Variants in STIM1 observed in about 807,000 individuals in gnomAD.
STIM1 encodes the protein stromal interaction molecule 1.
A neutral mutation model predicts 74.7 loss-of-function variants in STIM1; 25 were observed. That is an observed-to-expected ratio of 0.33 (90% CI 0.24 to 0.47). STIM1 has a LOEUF of 0.47. STIM1 is among the 20% of genes least tolerant of loss of function. The probability of loss-of-function intolerance (pLI) is 1.00; values close to 1 mark genes in which losing one functional copy is unlikely to be tolerated. For missense variants in STIM1, 728 were observed against 920.8 expected (o/e 0.79, Z 2.71); for synonymous variants, 328 against 348.8 (o/e 0.94, Z 0.66).
intron 10 of STIM1, 65 bp from the exon 11 acceptor site, chr11:4,084,608 A>G: frequency 8.1e-7 from 1 of 1,238,570 alleles, no homozygotes; most frequent in Non-Finnish European, 1.1e-6. Context: ...TATTACATTG[A>G]TGGCAGGCCG....
At chr11:4,039,926 C>A (rs2094135456) in intron 3 of STIM1, among the ~76,000 whole-genome samples, 1 of 151,836 alleles carries the variant, frequency 6.6e-6, no homozygotes. Flanking sequence ...CACGATGACG[C>A]CCAGCTAATT....
intron 2 of STIM1, among the ~76,000 whole-genome samples, chr11:4,014,951 C>T (rs981056083): frequency 6.6e-5 from 10 of 152,158 alleles, no homozygotes; most frequent in East Asian, 3.8e-4. Flanking sequence ...TGTCTTTACA[C>T]GTGAGATGGG....
chr11:4,083,323 C>A lies in STIM1; in HGVS notation c.1299C>A (p.Ile433=). 6 of 1,614,230 alleles carry A rather than the reference C, an allele frequency of 3.7e-6. No homozygotes were observed. Among genetic ancestry groups the A allele is most frequent in the Non-Finnish European group, 5.1e-6 (6 of 1,180,038 alleles). The part of the protein sequence containing the change: ...LRERLHRWQQ[I]EILCGFQIVN... Reference sequence around the variant, plus strand: ...AGCGCCTGCACCGCTGGCAACAGATCGAGATCCTCTGTGGCTTCCAGATTG... The same window carrying A: ...AGCGCCTGCACCGCTGGCAACAGATAGAGATCCTCTGTGGCTTCCAGATTG... Residue 433 remains isoleucine, a synonymous_variant, in exon 10 of 13, where the codon ATC becomes ATA. Transcript: ENST00000526596.
intron 1 of STIM1, among the ~76,000 whole-genome samples, chr11:3,964,428 A>C (rs1301926685): frequency 6.6e-6 from 1 of 152,194 alleles, no homozygotes; most frequent in East Asian, 1.9e-4. Flanking sequence ...CCTAACCCTC[A>C]ATCCCTTTAA....
chr11:3,999,096 A>G (rs1045188263), intron 2 of STIM1, among the ~76,000 whole-genome samples: 6 of 152,200 alleles, frequency 3.9e-5, no homozygotes, highest in Non-Finnish European at 8.8e-5. Flanking sequence ...CTGCAATCCC[A>G]TCACTTTGGG....
At chr11:3,928,700 G>A (rs2092820396) in intron 1 of STIM1, among the ~76,000 whole-genome samples, 1 of 151,918 alleles carries the variant, frequency 6.6e-6, no homozygotes, top group Non-Finnish European at 1.5e-5. Context: ...ATCTTTCCTG[G>A]GATTCTGGAA....
At chr11:4,031,729 C>T (rs73431633) in intron 3 of STIM1, among the ~76,000 whole-genome samples, 4,205 of 152,180 alleles carry the variant, frequency 0.028, 166 homozygotes, top group African/African-American at 0.091. Context: ...GGTTGTTTTT[C>T]TAAATTGAGT....
chr11:3,904,781 C>T (rs1045273053), intron 1 of STIM1, among the ~76,000 whole-genome samples: 1 of 151,880 alleles, frequency 6.6e-6, no homozygotes, highest in Admixed American at 6.6e-5. Flanking sequence ...GAGAGAGAGC[C>T]GGGGAAGTTA....
chr11:4,013,397 C>T (rs1296918241), intron 2 of STIM1, among the ~76,000 whole-genome samples: 2 of 152,200 alleles, frequency 1.3e-5, no homozygotes, highest in African/African-American at 4.8e-5. Context: ...GCCTCAATTT[C>T]AGAACCTGTT....
At chr11:3,992,973 A>G (rs1398639983) in intron 2 of STIM1, among the ~76,000 whole-genome samples, 1 of 152,064 alleles carries the variant, frequency 6.6e-6, no homozygotes, top group African/African-American at 2.4e-5. Flanking sequence ...ATTTCTCACT[A>G]TCATTCCACT....
chr11:3,895,917 T>G (rs111330547), intron 1 of STIM1, among the ~76,000 whole-genome samples: 1 of 149,088 alleles, frequency 6.7e-6, no homozygotes, highest in Non-Finnish European at 1.5e-5. Context: ...TTCTTTCTTT[T>G]TTTTTGAGAT....
intron 1 of STIM1, among the ~76,000 whole-genome samples, chr11:3,880,651 C>T (rs955570582): frequency 6.6e-6 from 1 of 152,194 alleles, no homozygotes; most frequent in Admixed American, 6.5e-5. Flanking sequence ...TCTTCCTAAA[C>T]CCCTGCCCCT....
At chr11:3,867,938 T>C (rs545449694) in intron 1 of STIM1, 1 of 152,372 alleles carries the variant, frequency 6.6e-6, no homozygotes, top group East Asian at 1.9e-4. Flanking sequence ...TCTGCTCCTG[T>C]TTGGCCTCTC....
intron 1 of STIM1, among the ~76,000 whole-genome samples, chr11:3,909,862 G>C (rs2092533258): frequency 6.6e-6 from 1 of 151,982 alleles, no homozygotes; most frequent in South Asian, 2.1e-4. Context: ...GTAAAGAAGA[G>C]TGAATAATGA....
At chr11:3,995,483 T>C (rs780155746) in intron 2 of STIM1, among the ~76,000 whole-genome samples, 1 of 152,206 alleles carries the variant, frequency 6.6e-6, no homozygotes, top group Non-Finnish European at 1.5e-5. Flanking sequence ...TGACTGTCTC[T>C]TTCCCTGGCC....
intron 2 of STIM1, among the ~76,000 whole-genome samples, chr11:3,976,616 CCTTTTCT>C (rs1293327974): frequency 6.6e-6 from 1 of 152,162 alleles, no homozygotes; most frequent in Non-Finnish European, 1.5e-5. Flanking sequence ...CGCTACTTTC[CCTTTTCT>C]CTTTTCCTCT....
chr11:4,037,434 T>G (rs2094113279), intron 3 of STIM1, among the ~76,000 whole-genome samples: 1 of 152,176 alleles, frequency 6.6e-6, no homozygotes, highest in Non-Finnish European at 1.5e-5. Context: ...TCCTTGTAGT[T>G]TCTGGTTCAC....
intron 3 of STIM1, among the ~76,000 whole-genome samples, chr11:4,033,297 C>T (rs1319644375): frequency 6.6e-6 from 1 of 152,120 alleles, no homozygotes; most frequent in Non-Finnish European, 1.5e-5. Context: ...AGCGTGATGC[C>T]TCCGGCTTTG....
intron 1 of STIM1, among the ~76,000 whole-genome samples, chr11:3,882,694 T>C (rs1266949785): frequency 2.6e-5 from 4 of 152,234 alleles, no homozygotes; most frequent in African/African-American, 9.6e-5. Context: ...CTAGGTTATA[T>C]GGTAATTCTG....
Sources: allele counts gnomAD v4.1 joint callset (sites outside exome capture counted in the v4.1 genomes callset), GRCh38; gene constraint gnomAD v4.1.1; transcripts MANE v1.5; gene names NCBI Gene and HGNC (gene_info 2026-07-23, HGNC 2026-07-21).